The following SHISA9 variants were observed in gnomAD, a reference collection of about 807,000 sequenced individuals.
The protein encoded by SHISA9 is protein shisa-9.
In SHISA9, 13 loss-of-function variants were observed where a neutral mutation model predicts 38.0. The observed-to-expected ratio is 0.34, with a 90% CI of 0.22 to 0.54. SHISA9 has a LOEUF of 0.54. Ranked by LOEUF, SHISA9 falls within the 20% of genes least tolerant of loss-of-function variation. The pLI, the probability that SHISA9 is intolerant of heterozygous loss-of-function variation, is 0.91. For synonymous variants in SHISA9, 275 were observed against 242.0 expected (o/e 1.14, Z -1.27); for missense variants, 538 against 575.8 (o/e 0.93, Z 0.67).
At chr16:13,220,909 G>A (rs1031372543) in intron 4 of SHISA9, among the ~76,000 whole-genome samples, 1 of 152,170 alleles carries the variant, frequency 6.6e-6, no homozygotes, top group African/African-American at 2.4e-5. Context: ...CACAACAAAG[G>A]GGGCCCATGG....
the SHISA9 span, among the ~76,000 whole-genome samples, chr16:13,498,186 G>A: frequency 6.6e-6 from 1 of 152,020 alleles, no homozygotes; most frequent in Non-Finnish European, 1.5e-5. Flanking sequence ...AGAAGAAAAG[G>A]ACCCTAAATG....
chr16:13,368,508 G>C, the SHISA9 span, among the ~76,000 whole-genome samples: 4 of 152,104 alleles, frequency 2.6e-5, no homozygotes, highest in Non-Finnish European at 4.4e-5. Context: ...GTTGCGTTAG[G>C]GGGTTTTGTA....
chr16:13,099,535 G>C (rs1413542330), intron 2 of SHISA9, among the ~76,000 whole-genome samples: 1 of 152,074 alleles, frequency 6.6e-6, no homozygotes, highest in East Asian at 1.9e-4. Context: ...TGACTTGATG[G>C]GGTGGAGGGA....
intron 1 of SHISA9, chr16:12,908,749 T>C (rs2071139910): frequency 4.2e-6 from 6 of 1,416,262 alleles, no homozygotes; most frequent in Non-Finnish European, 4.6e-6. Flanking sequence ...ATGCTTTCTA[T>C]ATCGGCCCCG....
At chr16:13,217,346 A>G (rs1022790327) in intron 4 of SHISA9, among the ~76,000 whole-genome samples, 2 of 152,234 alleles carry the variant, frequency 1.3e-5, no homozygotes, top group African/African-American at 4.8e-5. Flanking sequence ...TCTCAAGACC[A>G]GCAGACTGTC....
At chr16:13,167,537 A>G (rs139107279) in intron 2 of SHISA9, among the ~76,000 whole-genome samples, 1,908 of 152,166 alleles carry the variant, frequency 0.013, 24 homozygotes, top group South Asian at 0.023. Flanking sequence ...AATCCCCAGT[A>G]TTGGAGGTGG....
intron 2 of SHISA9, among the ~76,000 whole-genome samples, chr16:12,995,177 C>T (rs1284664460): frequency 2.0e-5 from 3 of 152,060 alleles, no homozygotes; most frequent in East Asian, 1.9e-4. Flanking sequence ...AAAATCACAT[C>T]AAGGTAAATG....
At chr16:13,084,656 G>A (rs1036873590) in intron 2 of SHISA9, among the ~76,000 whole-genome samples, 4 of 152,190 alleles carry the variant, frequency 2.6e-5, no homozygotes, top group Admixed American at 1.3e-4. Context: ...ATGATGGTAC[G>A]TGCTATGAAG....
In SHISA9 at chr16:13,217,551, A is replaced by G. The variant is rs549875931; in HGVS notation, c.895+4251A>G. On this transcript the variant is annotated intron_variant, in intron 4 of 4. Transcript: ENST00000558583. ...AGCTACATACATGCTCCACGCTCCC[A>G]TTTCTACCATTGCTCCAATAGAGGA... 1.1e-3 allele frequency among the ~76,000 whole-genome samples: 166 copies of G among 152,204 alleles called. 1 individual carries two copies. Among genetic ancestry groups the G allele is most frequent in the Non-Finnish European group, 1.8e-3 (121 of 68,008 alleles).
the SHISA9 span, among the ~76,000 whole-genome samples, chr16:13,377,354 T>C: frequency 6.6e-6 from 1 of 152,228 alleles, no homozygotes; most frequent in Admixed American, 6.5e-5. Context: ...AAATCCCAGT[T>C]CTTTTTTATC....
the SHISA9 span, among the ~76,000 whole-genome samples, chr16:13,549,091 T>C: frequency 7.2e-4 from 110 of 152,344 alleles, no homozygotes; most frequent in African/African-American, 2.5e-3. Flanking sequence ...GAGATCATTA[T>C]GTTAAGTGAA....
At chr16:13,452,536 T>G in the SHISA9 span, among the ~76,000 whole-genome samples, 39 of 152,286 alleles carry the variant, frequency 2.6e-4, no homozygotes, top group Middle Eastern at 3.4e-3. Flanking sequence ...AGATGGAGCA[T>G]TATTTGACAA....
intron 2 of SHISA9, among the ~76,000 whole-genome samples, chr16:13,130,118 C>A (rs1034770503): frequency 3.9e-5 from 6 of 152,188 alleles, no homozygotes; most frequent in Admixed American, 3.3e-4. Context: ...TCTATTGGCA[C>A]CATGGGCTCT....
the SHISA9 span, among the ~76,000 whole-genome samples, chr16:13,269,419 C>T: frequency 3.9e-5 from 6 of 152,168 alleles, no homozygotes; most frequent in East Asian, 5.8e-4. Flanking sequence ...CAGGGATATC[C>T]AGGCTTCTGG....
chr16:13,159,706 T>C (rs1664173826), intron 2 of SHISA9, among the ~76,000 whole-genome samples: 2 of 152,230 alleles, frequency 1.3e-5, no homozygotes, highest in African/African-American at 4.8e-5. Flanking sequence ...TGGCCTCCCT[T>C]AGAGGAGAAC....
the SHISA9 span, among the ~76,000 whole-genome samples, chr16:13,513,498 A>C: frequency 3.9e-5 from 6 of 152,334 alleles, no homozygotes; most frequent in African/African-American, 1.4e-4. Context: ...TATATACCCC[A>C]AAAATATAAA....
the SHISA9 span, among the ~76,000 whole-genome samples, chr16:13,406,102 G>A: frequency 1.1e-4 from 16 of 152,162 alleles, no homozygotes; most frequent in Non-Finnish European, 1.2e-4. Context: ...GCATCCAACA[G>A]CGTCTTTTTA....
At chr16:13,061,866 A>G (rs1362466315) in intron 2 of SHISA9, among the ~76,000 whole-genome samples, 1 of 152,188 alleles carries the variant, frequency 6.6e-6, no homozygotes, top group Non-Finnish European at 1.5e-5. Context: ...GCTAAAAAAG[A>G]TATAGAGCCA....
intron 2 of SHISA9, among the ~76,000 whole-genome samples, chr16:13,020,943 C>T (rs1269619510): frequency 6.6e-6 from 1 of 152,200 alleles, no homozygotes; most frequent in African/African-American, 2.4e-5. Flanking sequence ...TAATATCTCC[C>T]CAGTCCCGGG....
Sources: gnomAD v4.1 joint callset for allele counts (sites outside exome capture counted in the v4.1 genomes callset) on GRCh38, gnomAD v4.1.1 for gene constraint, MANE v1.5 for transcripts, NCBI Gene and HGNC (gene_info 2026-07-23, HGNC 2026-07-21) for gene names.